CEACAM3: variants seen among roughly 807,000 people sequenced by gnomAD.
CEACAM3 encodes cell adhesion molecule CEACAM3.
CEACAM3 carries 32 observed loss-of-function variants against 30.1 expected under a neutral mutation model. The observed-to-expected ratio is 1.06, with a 90% CI of 0.80 to 1.43. The LOEUF is 1.43. CEACAM3 is among the 40% of genes most tolerant of loss of function. The probability of loss-of-function intolerance (pLI) is 0.00; values close to 1 mark genes in which losing one functional copy is unlikely to be tolerated. For missense variants in CEACAM3, 290 were observed against 316.3 expected, an observed-to-expected ratio of 0.92 and a Z score of 0.63; for synonymous variants, 134 against 127.2, an observed-to-expected ratio of 1.05 and a Z score of -0.36.
At chr19:41,801,165 C>G (rs376535058) in intron 2 of CEACAM3, among the ~76,000 whole-genome samples, 2 of 152,172 alleles carry the variant, frequency 1.3e-5, no homozygotes, top group East Asian at 3.9e-4. Flanking sequence ...CTTCCTCCAC[C>G]CTTAGGTCTT....
intron 1 of CEACAM3, 139 bp downstream of exon 1, chr19:41,796,880 C>T (rs567680450): frequency 2.9e-5 from 23 of 805,694 alleles, no homozygotes; most frequent in African/African-American, 2.3e-4. Context: ...GAGAGGGACA[C>T]GGGTCACAAC....
In CEACAM3 at chr19:41,797,732, G is replaced by C; in HGVS notation, c.208G>C (p.Gly70Arg). 4 of 1,613,918 alleles carry C rather than the reference G, an allele frequency of 2.5e-6. No homozygotes were observed. The highest frequency in any genetic ancestry group is 2.5e-6 in the Non-Finnish European group (3 of 1,179,950). ...QHLFGYSWYK[G>R]ERVDGNSLIV... Reference sequence around the variant, plus strand: ...TCTTTTTGGCTACAGCTGGTACAAAGGGGAAAGAGTGGATGGCAACAGTCT... The same window carrying C: ...TCTTTTTGGCTACAGCTGGTACAAACGGGAAAGAGTGGATGGCAACAGTCT... The change falls in exon 2 of 7, where the codon GGG becomes CGG. Residue 70 changes from glycine (G) to arginine (R), a missense_variant. Coordinates refer to ENST00000357396, the MANE Select transcript of CEACAM3 (RefSeq NM_001815.5).
intron 2 of CEACAM3, chr19:41,807,103 C>A: frequency 6.2e-7 from 1 of 1,609,826 alleles, no homozygotes. Flanking sequence ...TCTCTGTTTT[C>A]TGCACAGCGG....
At chr19:41,810,513 C>T (rs944405878) in intron 5 of CEACAM3, among the ~76,000 whole-genome samples, 159 bp downstream of exon 5, 3 of 152,016 alleles carry the variant, frequency 2.0e-5, no homozygotes, top group Non-Finnish European at 4.4e-5. Context: ...GGCCTCCCTA[C>T]AGGGTCAGGA....
rs1322700874 is a variant in CEACAM3, at chr19:41,805,999, TTGTTGTTTGTTG to T, written c.425-2812_425-2801del. Among the ~76,000 whole-genome samples, 549 of 147,312 alleles carry T rather than the reference TTGTTGTTTGTTG, an allele frequency of 3.7e-3. 10 individuals are homozygous for T. Among genetic ancestry groups the T allele is most frequent in the African/African-American group, 0.013 (518 of 38,526 alleles). On this transcript the variant is annotated intron_variant, in intron 2 of 6. Transcript: ENST00000357396. ...AGTTGGGATTCTACTCTTCCTGTTG[TTGTTGTTTGTTG>T]TTGTTGTTGTTGTTGTTGTTTGTTG...
At chr19:41,802,240 G>A (rs1465724583) in intron 2 of CEACAM3, among the ~76,000 whole-genome samples, 3 of 152,162 alleles carry the variant, frequency 2.0e-5, no homozygotes, top group Admixed American at 6.5e-5. Context: ...ATTCAGCTAT[G>A]GGGCTCCCAT....
At chr19:41,804,183 G>A (rs1326419397) in intron 2 of CEACAM3, among the ~76,000 whole-genome samples, 1 of 152,176 alleles carries the variant, frequency 6.6e-6, no homozygotes, top group African/African-American at 2.4e-5. Flanking sequence ...TCTAAAAGCT[G>A]TAACATACAT....
At chr19:41,806,008 G>A (rs1253288345) in intron 2 of CEACAM3, among the ~76,000 whole-genome samples, 1 of 149,354 alleles carries the variant, frequency 6.7e-6, no homozygotes, top group Non-Finnish European at 1.5e-5. Context: ...GTTGTTGTTT[G>A]TTGTTGTTGT....
chr19:41,799,988 T>C (rs902815156), intron 2 of CEACAM3, among the ~76,000 whole-genome samples: 6 of 152,126 alleles, frequency 3.9e-5, no homozygotes, highest in African/African-American at 1.4e-4. Flanking sequence ...TCCTGGTTTG[T>C]GGGCGGCAGG....
At chr19:41,810,776 T>C in intron 5 of CEACAM3, 56 bp from the exon 6 acceptor site, 2 of 1,440,844 alleles carry the variant, frequency 1.4e-6, no homozygotes, top group Admixed American at 1.7e-5. Flanking sequence ...TCCTGGCCAA[T>C]CAGAGACAGG....
chr19:41,811,438 C>T lies in CEACAM3; in HGVS notation c.*201C>T. 6.8e-6 allele frequency: 4 copies of T among 584,240 alleles called. No individual in the cohort carries two copies. Among genetic ancestry groups the T allele is most frequent in the Non-Finnish European group, 1.2e-5 (4 of 326,366 alleles). 36.2% of individuals were successfully genotyped at this position (584,240 alleles called of 1,614,324 possible). A position where few individuals can be genotyped will look rare whatever the true frequency, so the allele number is the denominator to read the frequency against. On this transcript the variant is annotated 3_prime_UTR_variant, in exon 7 of 7. Coordinates refer to ENST00000357396, the MANE Select transcript of CEACAM3 (RefSeq NM_001815.5). ...AGCCTGCCCTAGGCCCTGGGTGGGT[C>T]AGGACAAAGGCCTCTCATCACCGCA...
chr19:41,811,036 G>A, intron 6 of CEACAM3, 136 bp from the exon 7 acceptor site: 2 of 1,259,796 alleles, frequency 1.6e-6, no homozygotes, highest in African/African-American at 1.5e-5. Flanking sequence ...AGGAGGGAGG[G>A]GCTTGGGAGC....
intron 4 of CEACAM3, 148 bp from the exon 5 acceptor site, chr19:41,810,175 C>T: frequency 1.6e-6 from 2 of 1,260,576 alleles, no homozygotes; most frequent in Non-Finnish European, 2.3e-6. Context: ...TTGCTTGGGT[C>T]AGCCCTCACC....
intron 2 of CEACAM3, chr19:41,807,056 T>C (rs984364776): frequency 6.2e-6 from 10 of 1,606,648 alleles, no homozygotes; most frequent in Middle Eastern, 1.7e-4. Context: ...AAAATATGCC[T>C]GTGGAGGAAT....
At chr19:41,801,988 A>C (rs918531173) in intron 2 of CEACAM3, among the ~76,000 whole-genome samples, 2 of 152,194 alleles carry the variant, frequency 1.3e-5, no homozygotes, top group Non-Finnish European at 2.9e-5. Context: ...TCAAAGTTAA[A>C]CTATACACTG....
intron 4 of CEACAM3, 92 bp downstream of exon 4, chr19:41,810,109 T>G: frequency 7.1e-7 from 1 of 1,404,762 alleles, no homozygotes; most frequent in South Asian, 1.2e-5. Flanking sequence ...CAGACTCTGA[T>G]CCTTTCCCGG....
rs782813487 is a variant in CEACAM3, at chr19:41,804,837, C to CT, written c.425-3964dup. On this transcript the variant is annotated intron_variant, in intron 2 of 6. Transcript: ENST00000357396. ...AAAAAAATTAATTTCCCCCAAATTT[C>CT]TTTTTTTTTTTTCACTATAGTGAGA... Among the ~76,000 whole-genome samples the CT allele has an allele frequency of 6.5e-3, 949 of 145,350 alleles. 6 individuals are homozygous for CT. Among genetic ancestry groups the CT allele is most frequent in the African/African-American group, 0.017 (691 of 39,840 alleles).
intron 2 of CEACAM3, among the ~76,000 whole-genome samples, chr19:41,799,549 A>G (rs2073129912): frequency 6.6e-6 from 1 of 152,192 alleles, no homozygotes; most frequent in Non-Finnish European, 1.5e-5. Context: ...AGCCTAACCT[A>G]GAACTAAATC....
At chr19:41,796,968 G>A (rs1600512912) in intron 1 of CEACAM3, among the ~76,000 whole-genome samples, 1 of 152,212 alleles carries the variant, frequency 6.6e-6, no homozygotes, top group South Asian at 2.1e-4. Context: ...ATCATTACTG[G>A]CCACTACAAT....
Sources: allele counts gnomAD v4.1 joint callset (sites outside exome capture counted in the v4.1 genomes callset), GRCh38; gene constraint gnomAD v4.1.1; transcripts MANE v1.5; gene names NCBI Gene and HGNC (gene_info 2026-07-23, HGNC 2026-07-21).